Variants in MGAT1 observed in about 807,000 individuals in gnomAD.
MGAT1 encodes alpha-1,3-mannosyl-glycoprotein 2-beta-N-acetylglucosaminyltransferase.
Under a neutral mutation model 31.7 loss-of-function variants are expected in MGAT1, and 14 were observed. The observed-to-expected ratio is 0.44, with a 90% CI of 0.29 to 0.69. The LOEUF (loss-of-function observed/expected upper bound fraction) is 0.69, where lower values mean the gene tolerates loss of function less well. Among genes scored for constraint, MGAT1 ranks in the 30% least tolerant of loss-of-function variants. MGAT1 has a pLI of 0.12. For synonymous variants in MGAT1, 338 were observed against 276.0 expected (o/e 1.22, Z -2.23); for missense variants, 557 against 626.0 (o/e 0.89, Z 1.18).
chr5:180,810,589 T>G (rs2113600272), intron 1 of MGAT1: 1 of 152,226 alleles, frequency 6.6e-6, no homozygotes, highest in African/African-American at 2.4e-5. Context: ...GCGGAACCTG[T>G]GCGGTGCAGC....
chr5:180,800,628 G>A (rs62407761), intron 1 of MGAT1, among the ~76,000 whole-genome samples: 18,843 of 152,190 alleles, frequency 0.12, 1,233 homozygotes, highest in East Asian at 0.24. Context: ...AGGTGAAAGT[G>A]TATCCTGTTC....
chr5:180,813,540 C>T (rs1054332328), intron 1 of MGAT1, among the ~76,000 whole-genome samples: 1 of 152,172 alleles, frequency 6.6e-6, no homozygotes, highest in Non-Finnish European at 1.5e-5. Flanking sequence ...AAAGTCTGGT[C>T]TTGCTGTACA....
intron 1 of MGAT1, among the ~76,000 whole-genome samples, chr5:180,814,432 G>A (rs759250171): frequency 1.3e-4 from 20 of 152,158 alleles, no homozygotes; most frequent in Non-Finnish European, 2.2e-4. Flanking sequence ...CCCCTCCTCT[G>A]GCTGCTCCTC....
intron 1 of MGAT1, among the ~76,000 whole-genome samples, chr5:180,799,138 T>C (rs1052874052): frequency 6.6e-6 from 1 of 152,170 alleles, no homozygotes; most frequent in South Asian, 2.1e-4. Context: ...TAACTTGCTT[T>C]AAAAACCATC....
chr5:180,811,609 A>G (rs1191248866), intron 1 of MGAT1, among the ~76,000 whole-genome samples: 1 of 149,932 alleles, frequency 6.7e-6, no homozygotes, highest in Non-Finnish European at 1.5e-5. Context: ...CAACACCTCA[A>G]CATGTCCACA....
upstream of MGAT1, among the ~76,000 whole-genome samples, chr5:180,807,075 A>T (rs1158649487): frequency 2.0e-5 from 3 of 152,232 alleles, no homozygotes; most frequent in East Asian, 5.8e-4. Flanking sequence ...GGAGGGAGTG[A>T]GGAAAACTCC....
In MGAT1 at chr5:180,791,535, C is replaced by T. The variant is rs1184925256; in HGVS notation, c.*99G>A. 1.4e-6 allele frequency: 2 copies of T among 1,427,452 alleles called. No individual in the cohort carries two copies. Among genetic ancestry groups the T allele is most frequent in the Non-Finnish European group, 1.9e-6 (2 of 1,050,504 alleles). The allele number at this position is 1,427,452 out of a possible 1,614,324, so 88.4% of individuals were successfully genotyped here. On this transcript the variant is annotated 3_prime_UTR_variant, in exon 2 of 2. Coordinates refer to ENST00000307826, the MANE Select transcript of MGAT1 (RefSeq NM_002406.4). ...GGAAAAATCAAAAAGATAAATGCAC[C>T]TAAGAGGGAAACACAGGCAGGCCGA...
chr5:180,800,210 T>G (rs946198151), intron 1 of MGAT1, among the ~76,000 whole-genome samples: 2 of 152,354 alleles, frequency 1.3e-5, no homozygotes, highest in East Asian at 3.9e-4. Flanking sequence ...CTGCCCTCTG[T>G]GCTCAGCTCC....
chr5:180,805,526 C>T (rs532666389), upstream of MGAT1, among the ~76,000 whole-genome samples: 70 of 152,272 alleles, frequency 4.6e-4, 1 homozygote, highest in South Asian at 0.012. Flanking sequence ...CCAACGCAGG[C>T]GGATCACGAG....
Position 180,791,790 on chromosome 5 carries a change from G to T in MGAT1, c.1182C>A (p.Phe394Leu). Residue 394 changes from phenylalanine (F) to leucine (L), a missense_variant, in exon 2 of 2, where the codon TTC becomes TTA. This residue lies in a region of MGAT1 where 145 missense variants were observed against 143.2 expected (regional missense o/e 1.01). Transcript: ENST00000307826. ...VRVQYTGRDSFKAFAKALGVM... is the reference protein window; with the variant it reads ...VRVQYTGRDSLKAFAKALGVM... ...CACCCAGAGCCTTGGCGAAAGCCTTGAAGCTGTCCCTGCCCGTATACTGCA... is the reference window on the plus strand; with the variant it reads ...CACCCAGAGCCTTGGCGAAAGCCTTTAAGCTGTCCCTGCCCGTATACTGCA... The T allele has an allele frequency of 6.2e-7, 1 of 1,614,162 alleles. No homozygotes were observed. The highest frequency in any genetic ancestry group is 1.1e-5 in the South Asian group (1 of 91,082).
At chr5:180,804,682 G>A (rs577596199), upstream of MGAT1, among the ~76,000 whole-genome samples, 196 of 152,352 alleles carry the variant, frequency 1.3e-3, 1 homozygote, top group Non-Finnish European at 1.1e-3. Flanking sequence ...TTTCCTAAAA[G>A]TGAAAAGGCT....
At chr5:180,798,696 A>G (rs1770036282) in intron 1 of MGAT1, among the ~76,000 whole-genome samples, 1 of 152,166 alleles carries the variant, frequency 6.6e-6, no homozygotes, top group African/African-American at 2.4e-5. Context: ...CATTTGGTAA[A>G]ATCTGATCTG....
chr5:180,812,306 G>A (rs956324707), intron 1 of MGAT1, among the ~76,000 whole-genome samples: 2 of 152,144 alleles, frequency 1.3e-5, no homozygotes, highest in Non-Finnish European at 2.9e-5. Flanking sequence ...ATGAACATAG[G>A]TATAAGCACA....
At chr5:180,811,114 C>G (rs1428954394) in intron 1 of MGAT1, 2 of 152,244 alleles carry the variant, frequency 1.3e-5, no homozygotes, top group Admixed American at 6.5e-5. Context: ...TCCTATGCAG[C>G]CCTCTCCCGA....
upstream of MGAT1, among the ~76,000 whole-genome samples, chr5:180,803,135 T>G (rs1771272541): frequency 6.6e-6 from 1 of 151,944 alleles, no homozygotes; most frequent in Admixed American, 6.5e-5. Context: ...GGGCCCGCAG[T>G]CCAGGAAAGG....
chr5:180,794,274 C>A (rs147882834), intron 1 of MGAT1, among the ~76,000 whole-genome samples: 2,476 of 150,932 alleles, frequency 0.016, 41 homozygotes, highest in Middle Eastern at 0.042. Flanking sequence ...CACCTGTGGT[C>A]CCAGCTACTC....
At chr5:180,798,860 A>G (rs951894201) in intron 1 of MGAT1, among the ~76,000 whole-genome samples, 3 of 152,232 alleles carry the variant, frequency 2.0e-5, no homozygotes, top group Admixed American at 6.5e-5. Context: ...AATCCAAAAA[A>G]TTCTCAATTC....
chr5:180,799,550 A>G (rs1447405373), intron 1 of MGAT1, among the ~76,000 whole-genome samples: 1 of 152,022 alleles, frequency 6.6e-6, no homozygotes, highest in Non-Finnish European at 1.5e-5. Context: ...AGGAAAAAAG[A>G]CTCTATGACC....
intron 1 of MGAT1, among the ~76,000 whole-genome samples, chr5:180,812,548 A>G (rs915888611): frequency 7.9e-5 from 12 of 152,074 alleles, no homozygotes; most frequent in Non-Finnish European, 1.8e-4. Context: ...AATATTTTTT[A>G]TACACACGCA....
Sources: allele counts gnomAD v4.1 joint callset (sites outside exome capture counted in the v4.1 genomes callset), GRCh38; gene constraint gnomAD v4.1.1; regional missense constraint gnomAD v4.1.1; transcripts MANE v1.5; gene names NCBI Gene and HGNC (gene_info 2026-07-23, HGNC 2026-07-21).